Variants in WDR48 observed in about 807,000 individuals in gnomAD.
WDR48 encodes the protein WD repeat-containing protein 48.
In WDR48, 22 loss-of-function variants were observed where a neutral mutation model predicts 94.0. That is an observed-to-expected ratio of 0.23 (90% CI 0.17 to 0.33). The LOEUF is 0.33. WDR48 is among the 10% of genes least tolerant of loss of function. The probability of loss-of-function intolerance (pLI) is 1.00; values close to 1 mark genes in which losing one functional copy is unlikely to be tolerated. For missense variants in WDR48, 541 were observed against 813.8 expected (o/e 0.66, Z 4.08); for synonymous variants, 278 against 280.5 (o/e 0.99, Z 0.09).
chr3:39,086,133 T>A (rs927218346), intron 14 of WDR48, among the ~76,000 whole-genome samples: 1 of 152,246 alleles, frequency 6.6e-6, no homozygotes, highest in Admixed American at 6.5e-5. Context: ...GTGTAAAGAA[T>A]TAATGTCACT....
rs937686580 is a variant in WDR48 at position 39,088,144 on chromosome 3, G to C, written c.1491G>C (p.Glu497Asp). ...NEVNHVNGEQ[E>D]NRVQKGNGYF... ...TTTTCCTAGTAAATGGGGAGCAGGAGAACCGAGTGCAGAAGGGAAATGGAT... is the reference window on the plus strand; with the variant it reads ...TTTTCCTAGTAAATGGGGAGCAGGACAACCGAGTGCAGAAGGGAAATGGAT... The change falls in exon 15 of 19, where the codon GAG becomes GAC. Residue 497 changes from glutamate to aspartate, a missense_variant. Physicochemically the swap from Glu to Asp is conservative, Grantham distance 45 (BLOSUM62 2). Around this residue, in one of 5 missense-constraint regions of WDR48, gnomAD observed 238 missense variants for 285.3 expected, o/e 0.83. Coordinates refer to ENST00000302313, the MANE Select transcript of WDR48 (RefSeq NM_020839.4). The C allele has an allele frequency of 8.1e-6, 13 of 1,614,132 alleles. No individual in the cohort carries two copies. The highest frequency in any genetic ancestry group is 1.1e-5 in the Non-Finnish European group (13 of 1,180,026).
chr3:39,077,887 A>G (rs1027292629), intron 9 of WDR48: 35 of 361,224 alleles, frequency 9.7e-5, no homozygotes, highest in Admixed American at 3.5e-4. Flanking sequence ...GACCAATACA[A>G]TTTTACCTGG....
chr3:39,071,852 A>AG, intron 7 of WDR48, among the ~76,000 whole-genome samples: 1 of 152,380 alleles, frequency 6.6e-6, no homozygotes, highest in East Asian at 1.9e-4. Flanking sequence ...AAAAGAGATG[A>AG]GAAAAAAAGA....
At chr3:39,094,471 A>C in intron 18 of WDR48, 177 bp from the exon 19 acceptor site, 1 of 1,534,610 alleles carries the variant, frequency 6.5e-7, no homozygotes, top group South Asian at 1.2e-5. Context: ...AAAGATGTAC[A>C]TCTCACTAAG....
chr3:39,085,624 T>G lies in WDR48; in HGVS notation c.1474+14T>G. ...AAGTAAACCATGGTTAGTTTTTATA[T>G]TCAGATAGTTGCATAAAAAGTTAGA... On this transcript the variant is annotated intron_variant, in intron 14 of 18. Coordinates refer to ENST00000302313, the MANE Select transcript of WDR48 (RefSeq NM_020839.4). 1 of 1,593,948 alleles carries G rather than the reference T, an allele frequency of 6.3e-7. No individual in the cohort carries two copies. Among genetic ancestry groups the G allele is most frequent in the Non-Finnish European group, 8.6e-7 (1 of 1,169,544 alleles).
At position 39,063,169 on chromosome 3, in the gene WDR48, A is replaced by G; in HGVS notation, c.168A>G (p.Ile56Met). 6.2e-7 allele frequency: 1 copy of G among 1,614,150 alleles called. No individual in the cohort carries two copies. The highest frequency in any genetic ancestry group is 1.7e-5 in the Admixed American group (1 of 60,026). The part of the protein sequence containing the change: ...FTAGRDSIIR[I>M]WSVNQHKQDP... ...CCGGTCGAGACTCTATCATAAGAATATGGAGTGTCAATCAGCACAAGGTAA... is the reference window on the plus strand; with the variant it reads ...CCGGTCGAGACTCTATCATAAGAATGTGGAGTGTCAATCAGCACAAGGTAA... Residue 56 changes from isoleucine to methionine, a missense_variant, in exon 2 of 19, where the codon ATA becomes ATG. By Grantham distance (10) the Ile-to-Met change is conservative. Coordinates refer to ENST00000302313, the MANE Select transcript of WDR48 (RefSeq NM_020839.4).
chr3:39,076,580 G>A (rs534681936), intron 8 of WDR48, among the ~76,000 whole-genome samples: 2 of 152,334 alleles, frequency 1.3e-5, no homozygotes, highest in Non-Finnish European at 2.9e-5. Flanking sequence ...GATGTGGGAA[G>A]AATAGTGGAT....
At chr3:39,069,429 T>A (rs79360872) in intron 6 of WDR48, among the ~76,000 whole-genome samples, 4,137 of 152,264 alleles carry the variant, frequency 0.027, 201 homozygotes, top group African/African-American at 0.094. Flanking sequence ...ACTATAACTG[T>A]TGTGTGTATA....
chr3:39,065,097 G>A (rs2033522452), intron 2 of WDR48, among the ~76,000 whole-genome samples: 1 of 152,166 alleles, frequency 6.6e-6, no homozygotes, highest in Non-Finnish European at 1.5e-5. Context: ...TGCCCATAAA[G>A]TGTCTCAAAC....
chr3:39,065,661 C>T (rs1327264117), intron 2 of WDR48, 150 bp from the exon 3 acceptor site: 3 of 479,346 alleles, frequency 6.3e-6, no homozygotes, highest in Non-Finnish European at 7.3e-6. Context: ...GAAGCATCAC[C>T]TATTTGGTGA....
At chr3:39,078,491 T>C (rs1045926790) in intron 10 of WDR48, among the ~76,000 whole-genome samples, 1 of 152,038 alleles carries the variant, frequency 6.6e-6, no homozygotes, top group Middle Eastern at 3.2e-3. Flanking sequence ...GGATCTTGGC[T>C]CACTGCAACC....
chr3:39,065,916 G>T, intron 3 of WDR48, 27 bp downstream of exon 3: 1 of 1,522,784 alleles, frequency 6.6e-7, no homozygotes, highest in Non-Finnish European at 8.8e-7. Context: ...ATTATTATTG[G>T]GCTTCTGATA....
chr3:39,076,081 G>T (rs749937170), intron 8 of WDR48, among the ~76,000 whole-genome samples: 1 of 152,108 alleles, frequency 6.6e-6, no homozygotes, highest in Non-Finnish European at 1.5e-5. Context: ...ATGAGAAACA[G>T]AACTGCAGAT....
chr3:39,077,055 A>T, intron 8 of WDR48, 84 bp from the exon 9 acceptor site: 1 of 1,443,020 alleles, frequency 6.9e-7, no homozygotes, highest in South Asian at 1.2e-5. Context: ...TGAATGAAGG[A>T]GTTGATATTA....
intron 18 of WDR48, 148 bp from the exon 19 acceptor site, chr3:39,094,496 CGCAT>C: frequency 6.5e-7 from 1 of 1,535,802 alleles, no homozygotes; most frequent in South Asian, 1.2e-5. Flanking sequence ...ATTTCATTCC[CGCAT>C]GCATGGAAGC....
chr3:39,081,488 C>T (rs2034533017), intron 11 of WDR48, among the ~76,000 whole-genome samples: 1 of 152,030 alleles, frequency 6.6e-6, no homozygotes, highest in South Asian at 2.1e-4. Context: ...TTTTTCTCTA[C>T]AATAGAGAGA....
At chr3:39,091,802 G>C in intron 17 of WDR48, 101 bp downstream of exon 17, 1 of 1,014,398 alleles carries the variant, frequency 9.9e-7, no homozygotes, top group Non-Finnish European at 1.4e-6. Flanking sequence ...CAGATCTAAG[G>C]CTGATTTTAT....
At position 39,094,019 on chromosome 3, in the gene WDR48, A is replaced by G. The variant is rs1228706140; in HGVS notation, c.1891A>G (p.Ile631Val). The G allele has an allele frequency of 1.9e-6, 3 of 1,614,050 alleles. No individual in the cohort carries two copies. The highest frequency in any genetic ancestry group is 2.2e-5 in the East Asian group (1 of 44,872). The part of the protein sequence containing the change: ...KPGEQEKEED[I>V]AVLAEEKIEL... ...AGGAGAACAGGAAAAAGAAGAAGAT[A>G]TTGCTGTGTTGGCAGAGGAGAAAAT... The change falls in exon 18 of 19, where the codon ATT (isoleucine) becomes GTT (valine). Residue 631 changes from isoleucine (I) to valine (V), a missense_variant. Around this residue, in one of 5 missense-constraint regions of WDR48, gnomAD observed 109 missense variants for 195.5 expected, o/e 0.56. Transcript: ENST00000302313.
intron 11 of WDR48, 34 bp downstream of exon 11, chr3:39,079,842 T>C: frequency 7.9e-7 from 1 of 1,269,262 alleles, no homozygotes; most frequent in East Asian, 2.6e-5. Flanking sequence ...TATAGGTTGT[T>C]AGATTGTATA....
Sources: allele counts gnomAD v4.1 joint callset (sites outside exome capture counted in the v4.1 genomes callset), GRCh38; gene constraint gnomAD v4.1.1; regional missense constraint gnomAD v4.1.1; transcripts MANE v1.5; gene names NCBI Gene and HGNC (gene_info 2026-07-23, HGNC 2026-07-21).